RASGRP1: variants seen among roughly 807,000 people sequenced by gnomAD.
The protein encoded by RASGRP1 is RAS guanyl releasing protein 1.
RASGRP1 carries 37 observed loss-of-function variants against 95.1 expected under a neutral mutation model. That is an observed-to-expected ratio of 0.39 (90% CI 0.30 to 0.51). The LOEUF (loss-of-function observed/expected upper bound fraction) is 0.51. RASGRP1 is among the 20% of genes least tolerant of loss of function. The pLI, the probability that RASGRP1 is intolerant of heterozygous loss-of-function variation, is 0.80. For synonymous variants in RASGRP1, 325 were observed against 353.4 expected, an observed-to-expected ratio of 0.92 and a Z score of 0.90; for missense variants, 711 against 965.4, an observed-to-expected ratio of 0.74 and a Z score of 3.49.
intron 2 of RASGRP1, among the ~76,000 whole-genome samples, chr15:38,539,305 C>T (rs1007094365): frequency 2.6e-5 from 4 of 152,184 alleles, no homozygotes; most frequent in African/African-American, 9.7e-5. Context: ...TATACTGAAC[C>T]ATCCACCATG....
At chr15:38,518,553 A>G (rs1364576713) in intron 4 of RASGRP1, 130 bp from the exon 5 acceptor site, 55 of 969,522 alleles carry the variant, frequency 5.7e-5, no homozygotes, top group Non-Finnish European at 5.1e-5. Flanking sequence ...GTCTATTAGT[A>G]TATTGAAGGA....
At chr15:38,542,908 C>T (rs1472181966) in intron 2 of RASGRP1, among the ~76,000 whole-genome samples, 1 of 138,982 alleles carries the variant, frequency 7.2e-6, no homozygotes, top group South Asian at 2.3e-4. Context: ...TATATATACA[C>T]ATATATATGT....
intron 2 of RASGRP1, among the ~76,000 whole-genome samples, chr15:38,547,883 G>C (rs1893164677): frequency 6.6e-6 from 1 of 151,940 alleles, no homozygotes. Context: ...GTGTGTGTGA[G>C]ATGGGGTGTG....
At chr15:38,502,449 T>A in intron 11 of RASGRP1, 28 bp from the exon 12 acceptor site, 1 of 1,404,240 alleles carries the variant, frequency 7.1e-7, no homozygotes, top group Non-Finnish European at 1.0e-6. Context: ...TTTTGGTGAT[T>A]ACTAAAGAGA....
At chr15:38,554,786 G>A (rs561170045) in intron 2 of RASGRP1, among the ~76,000 whole-genome samples, 209 of 152,312 alleles carry the variant, frequency 1.4e-3, no homozygotes, top group Non-Finnish European at 2.3e-3. Flanking sequence ...AAGTGCCCCC[G>A]AGGACCATCC....
At chr15:38,550,885 G>A (rs957160713) in intron 2 of RASGRP1, among the ~76,000 whole-genome samples, 3 of 151,938 alleles carry the variant, frequency 2.0e-5, no homozygotes, top group African/African-American at 7.3e-5. Flanking sequence ...CGTTCTCTAT[G>A]GTGAACATGA....
At chr15:38,551,648 C>A (rs745802365) in intron 2 of RASGRP1, among the ~76,000 whole-genome samples, 2 of 151,640 alleles carry the variant, frequency 1.3e-5, no homozygotes, top group African/African-American at 2.4e-5. Context: ...CAAATTTAAA[C>A]ACAAAAATCC....
intron 6 of RASGRP1, among the ~76,000 whole-genome samples, chr15:38,515,495 G>A (rs1020767759): frequency 2.6e-5 from 4 of 152,116 alleles, no homozygotes; most frequent in Non-Finnish European, 5.9e-5. Context: ...GATCACATAT[G>A]GATTGCAGTG....
At chr15:38,511,832 G>T in intron 7 of RASGRP1, 112 bp from the exon 8 acceptor site, 1 of 713,936 alleles carries the variant, frequency 1.4e-6, no homozygotes, top group Non-Finnish European at 2.4e-6. Context: ...GCTGGTTAAA[G>T]ACTAGTTACG....
Position 38,503,278 on chromosome 15 carries a change from C to T in RASGRP1, c.1422G>A (p.Met474Ile). The change falls in exon 11 of 17, where the codon ATG becomes ATA. Residue 474 changes from methionine (M) to isoleucine (I), a missense_variant. Physicochemically the swap from Met to Ile is conservative, Grantham distance 10. Transcript: ENST00000310803. ...TGAACACAGCTGTACTTACATCCAC[C>T]ATCCTCTGGACGTGTTTGCTAATGG... ...PKTISKHVQR[M>I]VDSVFKNYDH... The T allele has an allele frequency of 1.9e-6, 3 of 1,606,662 alleles. No individual in the cohort carries two copies. The highest frequency in any genetic ancestry group is 2.6e-6 in the Non-Finnish European group (3 of 1,174,406).
At chr15:38,494,832 A>G (rs1890735443) in intron 15 of RASGRP1, 65 bp from the exon 16 acceptor site, 2 of 1,255,540 alleles carry the variant, frequency 1.6e-6, no homozygotes, top group African/African-American at 3.0e-5. Flanking sequence ...AGACTGAGAC[A>G]TTAGTTTCAA....
In RASGRP1 at chr15:38,564,760, C is replaced by T. The variant is rs55728265; in HGVS notation, c.-132G>A. 0.2 allele frequency: 142,450 copies of T among 707,096 alleles called. 14,318 individuals are homozygous for T. Among genetic ancestry groups the T allele is most frequent in the Non-Finnish European group, 0.22 (120,064 of 545,210 alleles). 43.8% of individuals were successfully genotyped at this position (707,096 alleles called of 1,614,324 possible). A position where few individuals can be genotyped will look rare whatever the true frequency, so the allele number is the denominator to read the frequency against. ...CGTAGCCCCGGCGCCCGCCAGCCCT[C>T]GAGCCCGGCGAGCCCGACCGAGGTG... On this transcript the variant is annotated 5_prime_UTR_variant, in exon 1 of 17. Coordinates refer to ENST00000310803, the MANE Select transcript of RASGRP1 (RefSeq NM_005739.4).
intron 1 of RASGRP1, 101 bp downstream of exon 1, chr15:38,564,493 T>C: frequency 1.0e-6 from 1 of 972,412 alleles, no homozygotes; most frequent in Non-Finnish European, 1.3e-6. Flanking sequence ...CCGGCCCCCC[T>C]CCGCCCTCAA....
chr15:38,525,246 A>G lies in RASGRP1; in HGVS notation c.326+1053T>C, dbSNP rs189786097. Among the ~76,000 whole-genome samples the G allele has an allele frequency of 6.6e-5, 10 of 152,248 alleles. No individual in the cohort carries two copies. The East Asian group carries it at 1.2e-3, about 18-fold the overall frequency. On this transcript the variant is annotated intron_variant, in intron 3 of 16. Coordinates refer to ENST00000310803, the MANE Select transcript of RASGRP1 (RefSeq NM_005739.4). ...GCCTTCCAAAGTGCTGGGATTACAG[A>G]TGTGAGCTACTGTGCCCAGACACCC...
chr15:38,527,862 G>A (rs1014054782), intron 2 of RASGRP1, among the ~76,000 whole-genome samples: 2 of 152,200 alleles, frequency 1.3e-5, no homozygotes, highest in African/African-American at 2.4e-5. Flanking sequence ...GGGAGGTCAA[G>A]GTGGGAGGAT....
At chr15:38,560,746 G>A (rs754597068) in intron 1 of RASGRP1, among the ~76,000 whole-genome samples, 47 of 152,246 alleles carry the variant, frequency 3.1e-4, no homozygotes, top group Non-Finnish European at 5.4e-4. Flanking sequence ...ACTAAACATC[G>A]TTTTTTCAAA....
chr15:38,555,573 G>A (rs1055423045), intron 2 of RASGRP1, among the ~76,000 whole-genome samples: 1 of 152,142 alleles, frequency 6.6e-6, no homozygotes, highest in Non-Finnish European at 1.5e-5. Flanking sequence ...AGGAGAACAG[G>A]AGCAGCATAT....
chr15:38,560,033 G>A, intron 1 of RASGRP1, 28 bp from the exon 2 acceptor site: 1 of 1,571,828 alleles, frequency 6.4e-7, no homozygotes, highest in Non-Finnish European at 8.7e-7. Flanking sequence ...GCAGTGAGGG[G>A]ACAAACGGGC....
intron 2 of RASGRP1, 107 bp from the exon 3 acceptor site, chr15:38,526,511 T>A: frequency 1.3e-6 from 1 of 757,216 alleles, no homozygotes; most frequent in Non-Finnish European, 2.2e-6. Flanking sequence ...TCAGGCACAG[T>A]GATTTTCTTC....
Sources: gnomAD v4.1 joint callset for allele counts (sites outside exome capture counted in the v4.1 genomes callset) on GRCh38, gnomAD v4.1.1 for gene constraint, MANE v1.5 for transcripts, NCBI Gene and HGNC (gene_info 2026-07-23, HGNC 2026-07-21) for gene names.